MYZAP: variants seen among roughly 807,000 people sequenced by gnomAD.
MYZAP encodes the protein GRINL1A complex locus upstream.
A neutral mutation model predicts 69.4 loss-of-function variants in MYZAP; 66 were observed. The observed-to-expected ratio is 0.95, with a 90% CI of 0.78 to 1.17. MYZAP has a LOEUF of 1.17. Among genes scored for constraint, MYZAP ranks in the 50% most tolerant of loss-of-function variants. The pLI, the probability that MYZAP is intolerant of heterozygous loss-of-function variation, is 0.00. For missense variants in MYZAP, 611 were observed against 556.2 expected (o/e 1.10, Z -0.99); for synonymous variants, 256 against 205.9 (o/e 1.24, Z -2.09).
At chr15:57,633,142 G>A (rs572831017) in intron 7 of MYZAP, among the ~76,000 whole-genome samples, 19 of 152,246 alleles carry the variant, frequency 1.2e-4, no homozygotes, top group African/African-American at 4.6e-4. Flanking sequence ...TCCATGTCTG[G>A]CTCATCTGTG....
intron 12 of MYZAP, among the ~76,000 whole-genome samples, chr15:57,678,814 A>G (rs1255372681): frequency 2.0e-5 from 3 of 152,024 alleles, no homozygotes; most frequent in Non-Finnish European, 2.9e-5. Flanking sequence ...CAAGTGTTAC[A>G]TGCTGTGCTA....
At chr15:57,633,407 C>G (rs1170356990) in intron 7 of MYZAP, among the ~76,000 whole-genome samples, 3 of 152,210 alleles carry the variant, frequency 2.0e-5, no homozygotes, top group East Asian at 3.9e-4. Flanking sequence ...TGTAGTGAGG[C>G]CCATTAACCA....
intron 10 of MYZAP, chr15:57,646,079 G>A: frequency 6.3e-6 from 7 of 1,110,244 alleles, no homozygotes; most frequent in Non-Finnish European, 8.5e-6. Flanking sequence ...GGGGGTAGGG[G>A]AAAGGAGCCA....
chr15:57,611,961 T>C (rs2035131974), intron 2 of MYZAP, among the ~76,000 whole-genome samples: 1 of 152,190 alleles, frequency 6.6e-6, no homozygotes, highest in Admixed American at 6.5e-5. Flanking sequence ...TTTCCCAGGC[T>C]GTGGAAAGGC....
chr15:57,642,498 G>A (rs140693846), intron 10 of MYZAP, among the ~76,000 whole-genome samples: 61 of 152,274 alleles, frequency 4.0e-4, no homozygotes, highest in African/African-American at 1.4e-3. Context: ...GCCTTTAAGT[G>A]TAGCGGATGT....
At position 57,675,044 on chromosome 15, in the gene MYZAP, G is replaced by A; in HGVS notation, c.1280G>A (p.Gly427Glu). 1 of 1,613,412 alleles carries A rather than the reference G, an allele frequency of 6.2e-7. No individual in the cohort carries two copies. Among genetic ancestry groups the A allele is most frequent in the Non-Finnish European group, 8.5e-7 (1 of 1,179,488 alleles). Residue 427 changes from glycine (G) to glutamate (E), a missense_variant, in exon 12 of 13, where the codon GGA becomes GAA. Physicochemically the swap from Gly to Glu is moderately conservative, Grantham distance 98 (BLOSUM62 -2). Coordinates refer to ENST00000267853, the MANE Select transcript of MYZAP (RefSeq NM_001018100.5). Reference sequence around the variant, plus strand: ...ACCGAAGTGGAAACCAGAGAGATAGGAGTGGGCTGTGATCTTCTACCCAGG... The same window carrying A: ...ACCGAAGTGGAAACCAGAGAGATAGAAGTGGGCTGTGATCTTCTACCCAGG... ...AKTEVETREI[G>E]VGCDLLPSQT...
At chr15:57,603,936 G>C (rs2131737) in intron 1 of MYZAP, among the ~76,000 whole-genome samples, 58,323 of 152,032 alleles carry the variant, frequency 0.38, 11,742 homozygotes, top group East Asian at 0.56. Flanking sequence ...TTCTTTCCCT[G>C]TAACTATATT....
intron 4 of MYZAP, among the ~76,000 whole-genome samples, chr15:57,623,030 G>C (rs2035911758): frequency 6.6e-6 from 1 of 152,196 alleles, no homozygotes; most frequent in Non-Finnish European, 1.5e-5. Context: ...TGAAAGATTT[G>C]TAACAGGTAA....
In MYZAP at chr15:57,618,882, T is replaced by C. The variant is rs183237843; in HGVS notation, c.318+694T>C. Reference sequence around the variant, plus strand: ...CACCCAGCTTATATGGAAGAGGAGATGGCCTGCTCTGACACTGATGGGCTC... The same window carrying C: ...CACCCAGCTTATATGGAAGAGGAGACGGCCTGCTCTGACACTGATGGGCTC... On this transcript the variant is annotated intron_variant, in intron 3 of 12. Coordinates refer to ENST00000267853, the MANE Select transcript of MYZAP (RefSeq NM_001018100.5). 5.8e-3 allele frequency among the ~76,000 whole-genome samples: 879 copies of C among 152,318 alleles called. 14 individuals are homozygous for C. The highest frequency in any genetic ancestry group is 0.02 in the African/African-American group (832 of 41,572).
At chr15:57,624,686 G>T (rs771278336) in intron 4 of MYZAP, among the ~76,000 whole-genome samples, 7 of 152,168 alleles carry the variant, frequency 4.6e-5, no homozygotes, top group Admixed American at 6.5e-5. Context: ...TGCTAGAATT[G>T]TCCCAGAAAC....
At chr15:57,605,258 AT>A (rs2034672670) in intron 2 of MYZAP, among the ~76,000 whole-genome samples, 1 of 152,174 alleles carries the variant, frequency 6.6e-6, no homozygotes, top group Admixed American at 6.5e-5. Flanking sequence ...AATTAAGTAC[AT>A]TTTATAGAGG....
intron 12 of MYZAP, 88 bp from the exon 13 acceptor site, chr15:57,684,314 C>G: frequency 1.2e-6 from 1 of 830,110 alleles, no homozygotes; most frequent in Non-Finnish European, 2.0e-6. Flanking sequence ...CACTTAAACA[C>G]CATTTTCTAG....
chr15:57,616,613 C>G (rs1266472386), intron 2 of MYZAP, among the ~76,000 whole-genome samples: 2 of 151,538 alleles, frequency 1.3e-5, no homozygotes, highest in African/African-American at 4.9e-5. Flanking sequence ...TCCAACCTGG[C>G]GAGAGAGTGA....
intron 10 of MYZAP, chr15:57,647,173 A>G (rs772480655): frequency 6.1e-6 from 6 of 985,440 alleles, no homozygotes; most frequent in Non-Finnish European, 7.2e-6. Context: ...GCTTTCATTT[A>G]GATGCTTCTA....
chr15:57,607,607 G>A (rs1328833921), intron 2 of MYZAP, among the ~76,000 whole-genome samples: 1 of 152,160 alleles, frequency 6.6e-6, no homozygotes, highest in African/African-American at 2.4e-5. Flanking sequence ...CCAAGGCCCT[G>A]AGGAGCACAG....
At chr15:57,629,162 C>T (rs1210761615) in intron 5 of MYZAP, among the ~76,000 whole-genome samples, 2 of 150,060 alleles carry the variant, frequency 1.3e-5, no homozygotes, top group Non-Finnish European at 3.0e-5. Flanking sequence ...ATTTTGTTTT[C>T]TGATTTCATT....
At chr15:57,614,406 G>C (rs1485680219) in intron 2 of MYZAP, among the ~76,000 whole-genome samples, 1 of 152,226 alleles carries the variant, frequency 6.6e-6, no homozygotes, top group Non-Finnish European at 1.5e-5. Flanking sequence ...CTGCAGCTGT[G>C]GTGAGTGTCG....
intron 11 of MYZAP, among the ~76,000 whole-genome samples, chr15:57,668,582 T>C (rs1013367924): frequency 7.2e-5 from 11 of 152,194 alleles, no homozygotes; most frequent in Non-Finnish European, 1.3e-4. Context: ...TATAGAGTGC[T>C]GTCTCATGTG....
intron 10 of MYZAP, among the ~76,000 whole-genome samples, chr15:57,659,597 A>G (rs1247267175): frequency 6.6e-6 from 1 of 152,208 alleles, no homozygotes. Context: ...TTCTCAGTGA[A>G]TGAGAGATTA....
Sources: allele counts gnomAD v4.1 joint callset (sites outside exome capture counted in the v4.1 genomes callset), GRCh38; gene constraint gnomAD v4.1.1; transcripts MANE v1.5; gene names NCBI Gene and HGNC (gene_info 2026-07-23, HGNC 2026-07-21).